Variants in EXTL2 observed in about 807,000 individuals in gnomAD.
The protein encoded by EXTL2 is exostosin like glycosyltransferase 2.
EXTL2 carries 23 observed loss-of-function variants against 30.7 expected under a neutral mutation model. That is an observed-to-expected ratio of 0.75 (90% CI 0.54 to 1.06). EXTL2 has a LOEUF of 1.06. EXTL2 is among the 50% of genes least tolerant of loss of function. EXTL2 has a pLI of 0.00. For missense variants in EXTL2, 352 were observed against 396.3 expected, an observed-to-expected ratio of 0.89 and a Z score of 0.95; for synonymous variants, 123 against 133.8, an observed-to-expected ratio of 0.92 and a Z score of 0.56.
intron 1 of EXTL2, among the ~76,000 whole-genome samples, chr1:100,893,516 T>A (rs1440546168): frequency 2.0e-5 from 3 of 152,210 alleles, no homozygotes; most frequent in Middle Eastern, 3.2e-3. Context: ...GGGAAGGAAC[T>A]TTTTATTTAT....
At chr1:100,878,429 G>T in intron 2 of EXTL2, 1 of 470,984 alleles carries the variant, frequency 2.1e-6, no homozygotes, top group South Asian at 1.5e-5. Context: ...CTTACTTTGT[G>T]CCACCACTGT....
chr1:100,874,466 TA>T (rs777414628), intron 4 of EXTL2, 36 bp from the exon 5 acceptor site: 7 of 1,498,122 alleles, frequency 4.7e-6, no homozygotes, highest in Admixed American at 2.1e-5. Flanking sequence ...AAATGTCACA[TA>T]TTTTTAGAGA....
Position 100,872,630 on chromosome 1 carries a change from T to A in EXTL2, c.*1312A>T, listed in dbSNP as rs537869391. Reference sequence around the variant, plus strand: ...TCATTATTGGAACATTAGCCATGATTATTTTAATATTCTCACAGCTTTGCA... The same window carrying A: ...TCATTATTGGAACATTAGCCATGATAATTTTAATATTCTCACAGCTTTGCA... On this transcript the variant is annotated 3_prime_UTR_variant, in exon 5 of 5. Coordinates refer to ENST00000370114, the MANE Select transcript of EXTL2 (RefSeq NM_001033025.3). 2 of 152,584 alleles carry A rather than the reference T, an allele frequency of 1.3e-5. No individual in the cohort carries two copies. The highest frequency in any genetic ancestry group is 3.9e-4 in the East Asian group (2 of 5,152). The allele number at this position is 152,584 out of a possible 1,614,324, so 9.5% of individuals were successfully genotyped here. A position where few individuals can be genotyped will look rare whatever the true frequency, so the allele number is the denominator to read the frequency against.
chr1:100,889,484 C>A (rs1335056992), intron 1 of EXTL2, among the ~76,000 whole-genome samples: 1 of 152,178 alleles, frequency 6.6e-6, no homozygotes, highest in Non-Finnish European at 1.5e-5. Flanking sequence ...CCCAACAGTC[C>A]CCCAAAGTCT....
intron 4 of EXTL2, 29 bp downstream of exon 4, chr1:100,876,765 C>T (rs377634652): frequency 1.3e-5 from 20 of 1,556,588 alleles, no homozygotes; most frequent in South Asian, 2.2e-5. Flanking sequence ...CTTATAAAGA[C>T]GGTTTCATAA....
rs959141259 is a variant in EXTL2, at chr1:100,880,180, G to T, written c.6-2277C>A. Among the ~76,000 whole-genome samples the T allele has an allele frequency of 2.6e-5, 4 of 152,140 alleles. No individual in the cohort carries two copies. The East Asian group carries it at 7.7e-4, about 29-fold the overall frequency. The stretch of plus-strand genomic sequence containing the variant: ...CATTTTCCTTTGAAGTTTAAGTTTA[G>T]AGAATTGCAAAGAAGGACAAGAGCA... On this transcript the variant is annotated intron_variant, in intron 2 of 4. Transcript: ENST00000370114.
chr1:100,890,719 A>G (rs935876461), intron 1 of EXTL2, among the ~76,000 whole-genome samples: 4 of 152,208 alleles, frequency 2.6e-5, no homozygotes, highest in African/African-American at 9.6e-5. Context: ...CTGAGACCAC[A>G]TCAGCCTGGA....
At chr1:100,880,993 A>T (rs1251625671) in intron 2 of EXTL2, 1 of 982,262 alleles carries the variant, frequency 1.0e-6, no homozygotes, top group Admixed American at 6.2e-5. Flanking sequence ...GTAGGAGTTT[A>T]TCCCCTGTAT....
At chr1:100,884,174 G>A (rs1200430874) in intron 2 of EXTL2, among the ~76,000 whole-genome samples, 3 of 152,144 alleles carry the variant, frequency 2.0e-5, no homozygotes, top group Non-Finnish European at 4.4e-5. Context: ...AATGAGCAAC[G>A]TGGTGTTGTA....
intron 2 of EXTL2, among the ~76,000 whole-genome samples, chr1:100,884,649 T>C (rs1649824438): frequency 1.3e-5 from 2 of 152,186 alleles, no homozygotes; most frequent in South Asian, 4.1e-4. Context: ...CTATTTTCTC[T>C]ACTTCCAAAA....
At chr1:100,879,096 G>A (rs562267856) in intron 2 of EXTL2, among the ~76,000 whole-genome samples, 1 of 152,252 alleles carries the variant, frequency 6.6e-6, no homozygotes, top group South Asian at 2.1e-4. Context: ...GCTTATATGA[G>A]AAAAGGTTAA....
chr1:100,875,230 GACAC>G (rs10547668), intron 4 of EXTL2, among the ~76,000 whole-genome samples: 7,986 of 149,346 alleles, frequency 0.053, 314 homozygotes, highest in African/African-American at 0.11. Flanking sequence ...CAGAACTAGG[GACAC>G]ACACACACAC....
Position 100,877,977 on chromosome 1 carries a change from A to G in EXTL2, c.6-74T>C. On this transcript the variant is annotated intron_variant, in intron 2 of 4. Transcript: ENST00000370114. This position sits in a 1 kb window ranked among gnomAD's most constrained non-coding sequence, Gnocchi z 4.1. ...CCCTGTGTTTTCATGTTTTTTTCCA[A>G]TGAGGAAAGATATCAATCTTATTTT... 2 of 1,100,434 alleles carry G rather than the reference A, an allele frequency of 1.8e-6. No homozygotes were observed. Among genetic ancestry groups the G allele is most frequent in the Non-Finnish European group, 2.6e-6 (2 of 776,512 alleles). 68.2% of individuals were successfully genotyped at this position (1,100,434 alleles called of 1,614,324 possible). A position where few individuals can be genotyped will look rare whatever the true frequency, so the allele number is the denominator to read the frequency against.
In EXTL2 at chr1:100,876,788, C is replaced by T; in HGVS notation, c.504+6G>A. The T allele has an allele frequency of 6.2e-7, 1 of 1,608,908 alleles. No individual in the cohort carries two copies. The highest frequency in any genetic ancestry group is 1.3e-5 in the African/African-American group (1 of 74,826). ...GACGGTTTCATAAAAGAGACAGCAA[C>T]ATTACCTGCCAAACTGAGAAAGCAA... On this transcript the variant is annotated splice_donor_region_variant and intron_variant, in intron 4 of 4. Transcript: ENST00000370114.
chr1:100,879,934 T>C (rs1324932075), intron 2 of EXTL2, among the ~76,000 whole-genome samples: 1 of 152,168 alleles, frequency 6.6e-6, no homozygotes, highest in African/African-American at 2.4e-5. Flanking sequence ...TAGAATAGAA[T>C]AGTTTTGGAA....
intron 1 of EXTL2, among the ~76,000 whole-genome samples, chr1:100,890,480 T>A (rs1402451862): frequency 6.6e-6 from 1 of 152,224 alleles, no homozygotes. Flanking sequence ...TGGTTTGAAT[T>A]CCACCCCAGA....
rs558087289 is a variant in EXTL2 at position 100,872,939 on chromosome 1, A to G, written c.*1003T>C. ...TGTATGTAGTTGAAATTTCATCATT[A>G]TGAATAGTTCCTTGGATCTTTTTTT... On this transcript the variant is annotated 3_prime_UTR_variant, in exon 5 of 5. Coordinates refer to ENST00000370114, the MANE Select transcript of EXTL2 (RefSeq NM_001033025.3). 13 of 152,200 alleles carry G rather than the reference A, an allele frequency of 8.5e-5. No homozygotes were observed. The South Asian group carries it at 2.7e-3, about 32-fold the overall frequency. The allele number at this position is 152,200 out of a possible 1,614,324, so 9.4% of individuals were successfully genotyped here. A position where few individuals can be genotyped will look rare whatever the true frequency, so the allele number is the denominator to read the frequency against.
chr1:100,881,800 T>G (rs1292943000), intron 2 of EXTL2, among the ~76,000 whole-genome samples: 1 of 152,222 alleles, frequency 6.6e-6, no homozygotes, highest in Non-Finnish European at 1.5e-5. Context: ...TCCTTTTAGT[T>G]ATTTTGATAC....
chr1:100,889,989 T>G (rs1242263420), intron 1 of EXTL2, among the ~76,000 whole-genome samples: 1 of 152,218 alleles, frequency 6.6e-6, no homozygotes, highest in East Asian at 1.9e-4. Flanking sequence ...AATGCTCCAG[T>G]GGCAACTTTG....
Sources: gnomAD v4.1 joint callset for allele counts (sites outside exome capture counted in the v4.1 genomes callset) on GRCh38, gnomAD v4.1.1 for gene constraint, Gnocchi (gnomAD v3.1) non-coding constraint, MANE v1.5 for transcripts, NCBI Gene and HGNC (gene_info 2026-07-23, HGNC 2026-07-21) for gene names.